The following CSGALNACT1 variants were observed in gnomAD, a reference collection of about 807,000 sequenced individuals.
CSGALNACT1 encodes chondroitin sulfate N-acetylgalactosaminyltransferase 1.
Under a neutral mutation model 51.0 loss-of-function variants are expected in CSGALNACT1, and 52 were observed. That is an observed-to-expected ratio of 1.02 (90% CI 0.82 to 1.29). CSGALNACT1 has a LOEUF of 1.29. Among genes scored for constraint, CSGALNACT1 ranks in the 50% most tolerant of loss-of-function variants. The pLI, the probability that CSGALNACT1 is intolerant of heterozygous loss-of-function variation, is 0.00. For missense variants in CSGALNACT1, 935 were observed against 679.2 expected, an observed-to-expected ratio of 1.38 and a Z score of -4.19; for synonymous variants, 341 against 254.4, an observed-to-expected ratio of 1.34 and a Z score of -3.24.
intron 6 of CSGALNACT1, among the ~76,000 whole-genome samples, chr8:19,426,272 C>T (rs1261811408): frequency 6.6e-6 from 1 of 152,190 alleles, no homozygotes; most frequent in East Asian, 1.9e-4. Context: ...ACCAGAGAAA[C>T]CCCTCCCTTG....
At position 19,637,174 on chromosome 8, in the gene CSGALNACT1, C is replaced by G. The variant is rs529173246; in HGVS notation, c.-543-35309G>C. ...TGAGTGGAGATCGCACCATTGCACT[C>G]CAGCCTGGGCGATAGAGACTCCATC... is the stretch of plus-strand genomic sequence containing the variant. On this transcript the variant is annotated intron_variant, in intron 1 of 9. Coordinates refer to the CSGALNACT1 transcript ENST00000332246. 5.3e-5 allele frequency among the ~76,000 whole-genome samples: 8 copies of G among 152,248 alleles called. No homozygotes were observed. The East Asian group carries it at 1.5e-3, about 29-fold the overall frequency.
At chr8:19,640,545 A>G (rs1377675378) in intron 1 of CSGALNACT1, among the ~76,000 whole-genome samples, 3 of 152,224 alleles carry the variant, frequency 2.0e-5, no homozygotes, top group African/African-American at 4.8e-5. Flanking sequence ...ATGTACTTGG[A>G]CTCAAACTCA....
chr8:19,632,956 C>T (rs1589159154), intron 1 of CSGALNACT1, among the ~76,000 whole-genome samples: 1 of 144,344 alleles, frequency 6.9e-6, no homozygotes, highest in Admixed American at 7.1e-5. Flanking sequence ...TTGGTAGAGA[C>T]GAGGTTTCCC....
chr8:19,721,033 A>C (rs2063098508), intron 1 of CSGALNACT1, among the ~76,000 whole-genome samples: 1 of 152,210 alleles, frequency 6.6e-6, no homozygotes, highest in Non-Finnish European at 1.5e-5. Flanking sequence ...ACACTAGGTG[A>C]CAATAAACAT....
intron 5 of CSGALNACT1, among the ~76,000 whole-genome samples, chr8:19,453,742 T>C (rs1035598903): frequency 1.3e-5 from 2 of 152,230 alleles, no homozygotes; most frequent in Non-Finnish European, 2.9e-5. Flanking sequence ...TGAAACCCAA[T>C]CTCTACTAAA....
intron 3 of CSGALNACT1, among the ~76,000 whole-genome samples, chr8:19,589,044 C>G (rs963531121): frequency 6.6e-6 from 1 of 152,192 alleles, no homozygotes; most frequent in Non-Finnish European, 1.5e-5. Context: ...ATCCCAGGGT[C>G]ACGGAGCTCT....
At chr8:19,614,975 A>C (rs1179804625) in intron 1 of CSGALNACT1, among the ~76,000 whole-genome samples, 2 of 152,224 alleles carry the variant, frequency 1.3e-5, no homozygotes, top group Non-Finnish European at 2.9e-5. Flanking sequence ...CAAGTGTTGA[A>C]GTATCCAAAA....
intron 1 of CSGALNACT1, among the ~76,000 whole-genome samples, chr8:19,716,733 A>C (rs1322951577): frequency 1.3e-5 from 2 of 151,226 alleles, no homozygotes; most frequent in Non-Finnish European, 2.9e-5. Flanking sequence ...CAGAAGTTGT[A>C]GTGGGCCAAG....
chr8:19,705,878 C>T (rs2062131735), intron 1 of CSGALNACT1, among the ~76,000 whole-genome samples: 1 of 152,120 alleles, frequency 6.6e-6, no homozygotes, highest in African/African-American at 2.4e-5. Context: ...CTAGTTAAAG[C>T]TGAATAATCG....
chr8:19,482,268 C>G (rs1176674483), intron 4 of CSGALNACT1, among the ~76,000 whole-genome samples: 1 of 152,210 alleles, frequency 6.6e-6, no homozygotes, highest in Non-Finnish European at 1.5e-5. Context: ...TGAGGACATA[C>G]ATTTTTAATT....
intron 3 of CSGALNACT1, among the ~76,000 whole-genome samples, chr8:19,562,070 T>C (rs145909450): frequency 8.5e-5 from 13 of 152,220 alleles, no homozygotes; most frequent in African/African-American, 2.4e-4. Flanking sequence ...ACCTGACAAG[T>C]ATGGGTCCTG....
chr8:19,751,397 T>C lies in CSGALNACT1; in HGVS notation c.-297+6453A>G, dbSNP rs370254061. On this transcript the variant is annotated intron_variant, in intron 1 of 1. Transcript: ENST00000517494. The stretch of plus-strand genomic sequence containing the variant: ...TTAAGGGCTCCATCAGTGTTAACCG[T>C]TTTTATCATGGGAAGAGAATTGTGA... 1.1e-4 allele frequency among the ~76,000 whole-genome samples: 16 copies of C among 152,144 alleles called. 1 individual carries two copies. In the East Asian group the frequency reaches 1.3e-3, roughly 13 times the overall value.
At chr8:19,690,608 G>A (rs1286998402) in intron 1 of CSGALNACT1, among the ~76,000 whole-genome samples, 1 of 152,114 alleles carries the variant, frequency 6.6e-6, no homozygotes, top group Non-Finnish European at 1.5e-5. Context: ...CTACATGAGA[G>A]GTTCAAATTT....
At chr8:19,697,598 G>A (rs1034980485) in intron 1 of CSGALNACT1, among the ~76,000 whole-genome samples, 1 of 152,186 alleles carries the variant, frequency 6.6e-6, no homozygotes, top group Admixed American at 6.5e-5. Context: ...GCTACCTGGG[G>A]AGTGAGGGAG....
intron 4 of CSGALNACT1, among the ~76,000 whole-genome samples, chr8:19,504,463 A>C (rs1407176234): frequency 6.6e-6 from 1 of 152,174 alleles, no homozygotes; most frequent in Non-Finnish European, 1.5e-5. Context: ...TGATTTTTGA[A>C]CCAGTAACAA....
intron 1 of CSGALNACT1, among the ~76,000 whole-genome samples, chr8:19,666,815 G>A (rs867607547): frequency 0.017 from 532 of 31,334 alleles, 23 homozygotes; most frequent in Non-Finnish European, 0.022. Flanking sequence ...AAGAAAGAGA[G>A]AGAGAGAGAG....
At chr8:19,483,042 T>C (rs1051958901) in intron 4 of CSGALNACT1, among the ~76,000 whole-genome samples, 1 of 152,194 alleles carries the variant, frequency 6.6e-6, no homozygotes, top group Non-Finnish European at 1.5e-5. Context: ...TTTACTATTA[T>C]TTATTATCTG....
intron 1 of CSGALNACT1, among the ~76,000 whole-genome samples, chr8:19,752,403 G>A (rs184797943): frequency 1.0e-3 from 158 of 152,176 alleles, no homozygotes; most frequent in African/African-American, 3.7e-3. Flanking sequence ...CACAGACGAA[G>A]GGGTTCCTAG....
chr8:19,631,747 C>T (rs899680418), intron 1 of CSGALNACT1, among the ~76,000 whole-genome samples: 7 of 152,194 alleles, frequency 4.6e-5, no homozygotes, highest in African/African-American at 1.7e-4. Flanking sequence ...GACTAGGAGC[C>T]TCATAAAGGC....
Sources: gnomAD v4.1 joint callset for allele counts (sites outside exome capture counted in the v4.1 genomes callset) on GRCh38, gnomAD v4.1.1 for gene constraint, MANE v1.5 for transcripts, NCBI Gene and HGNC (gene_info 2026-07-23, HGNC 2026-07-21) for gene names.